COL5A3: variants seen among roughly 807,000 people sequenced by gnomAD.
COL5A3 encodes the protein collagen type V alpha 3 chain.
In COL5A3, 172 loss-of-function variants were observed where a neutral mutation model predicts 250.0. The observed-to-expected ratio is 0.69, with a 90% CI of 0.61 to 0.78. The LOEUF is 0.78. Among genes scored for constraint, COL5A3 ranks in the 30% least tolerant of loss-of-function variants. The pLI is 0.00. For missense variants in COL5A3, 2,340 were observed against 2,334.4 expected (o/e 1.00, Z -0.05); for synonymous variants, 937 against 900.4 (o/e 1.04, Z -0.73).
chr19:9,987,911 G>A (rs891718584), intron 27 of COL5A3, among the ~76,000 whole-genome samples: 2 of 152,104 alleles, frequency 1.3e-5, no homozygotes, highest in Non-Finnish European at 2.9e-5. Context: ...TTCCAGCCTG[G>A]GCAACAGAGA....
At position 9,980,570 on chromosome 19, in the gene COL5A3, T is replaced by G. The variant is rs143274566; in HGVS notation, c.2604+78A>C. ...TGCATTATAATGTCTCTTCATCTCT[T>G]GGGTTTGTCCTCCACTCAGAATCTC... On this transcript the variant is annotated intron_variant, in intron 35 of 66. Transcript: ENST00000264828. The G allele has an allele frequency of 6.4e-3, 9,909 of 1,551,782 alleles. 46 individuals carry two copies. Among genetic ancestry groups the G allele is most frequent in the Non-Finnish European group, 8.1e-3 (9,318 of 1,145,306 alleles).
intron 8 of COL5A3, among the ~76,000 whole-genome samples, chr19:9,999,000 T>C (rs936591364): frequency 1.4e-5 from 2 of 144,124 alleles, no homozygotes; most frequent in Non-Finnish European, 3.0e-5. Context: ...TTCCTTCCTT[T>C]CTTTCTTTTC....
At position 9,982,008 on chromosome 19, in the gene COL5A3, C is replaced by T. The variant is rs773957664; in HGVS notation, c.2460+57G>A. The stretch of plus-strand genomic sequence containing the variant: ...CCACCCATCATCAGACACAACCACA[C>T]ATGCTGTTCCCCTCAGACAAGTTCT... On this transcript the variant is annotated intron_variant, in intron 32 of 66. Coordinates refer to ENST00000264828, the MANE Select transcript of COL5A3 (RefSeq NM_015719.4). The T allele has an allele frequency of 1.9e-5, 26 of 1,343,086 alleles. No homozygotes were observed. The Admixed American group carries it at 3.2e-4, about 17-fold the overall frequency. 83.2% of individuals were successfully genotyped at this position (1,343,086 alleles called of 1,614,324 possible).
chr19:9,978,514 T>C (rs1032834122), intron 41 of COL5A3, 60 bp downstream of exon 41: 1 of 1,149,930 alleles, frequency 8.7e-7, no homozygotes, highest in African/African-American at 1.6e-5. Flanking sequence ...ATGTCAAGCT[T>C]CCAAGACACC....
intron 45 of COL5A3, 49 bp downstream of exon 45, chr19:9,976,509 C>G: frequency 2.1e-6 from 3 of 1,417,212 alleles, no homozygotes; most frequent in Non-Finnish European, 2.9e-6. Flanking sequence ...CTCCCACTAT[C>G]CCTCCCTTCA....
intron 31 of COL5A3, 63 bp downstream of exon 31, chr19:9,985,779 C>T (rs2087090480): frequency 6.8e-7 from 1 of 1,463,208 alleles, no homozygotes; most frequent in Non-Finnish European, 9.5e-7. Context: ...AGCCTGGACC[C>T]CCAGATGTTA....
Position 9,977,389 on chromosome 19 carries a change from C to T in COL5A3, c.3210G>A (p.Gly1070=). The change falls in exon 43 of 67, where the codon GGG becomes GGA. Residue 1070 remains glycine (G), a synonymous_variant. Coordinates refer to ENST00000264828, the MANE Select transcript of COL5A3 (RefSeq NM_015719.4). ...CCTTGTCCCCTTCCTCGCCAGAAGGCCCAGCAGCTCCAGGGGGTCCCAGAG... is the reference window on the plus strand; with the variant it reads ...CCTTGTCCCCTTCCTCGCCAGAAGGTCCAGCAGCTCCAGGGGGTCCCAGAG... The part of the protein sequence containing the change: ...LGPLGPPGAA[G]PSGEEGDKGD... 1 of 1,577,920 alleles carries T rather than the reference C, an allele frequency of 6.3e-7. No individual in the cohort carries two copies. The highest frequency in any genetic ancestry group is 8.6e-7 in the Non-Finnish European group (1 of 1,158,850).
intron 30 of COL5A3, 73 bp from the exon 31 acceptor site, chr19:9,985,968 G>T: frequency 1.4e-6 from 2 of 1,402,328 alleles, no homozygotes; most frequent in Non-Finnish European, 1.0e-6. Flanking sequence ...CAGGCTGGCT[G>T]GGGCATGGTG....
In COL5A3 at chr19:9,969,931, G is replaced by A. The variant is rs950510433; in HGVS notation, c.3937-9C>T. ...ATGTGGCCTGAAGGACCCTTGGAAG[G>A]GAAAGACAGTGAGGGGGGTCTAGGG... On this transcript the variant is annotated splice_polypyrimidine_tract_variant and intron_variant, in intron 54 of 66. Coordinates refer to ENST00000264828, the MANE Select transcript of COL5A3 (RefSeq NM_015719.4). 6.3e-7 allele frequency: 1 copy of A among 1,579,052 alleles called. No individual in the cohort carries two copies. Among genetic ancestry groups the A allele is most frequent in the Non-Finnish European group, 8.6e-7 (1 of 1,165,958 alleles).
At chr19:9,997,046 A>C (rs960275349) in intron 11 of COL5A3, 1 of 533,400 alleles carries the variant, frequency 1.9e-6, no homozygotes, top group Admixed American at 3.6e-5. Context: ...GAACATAGAG[A>C]GATGGACGGA....
chr19:9,978,737 G>A, intron 40 of COL5A3, 110 bp from the exon 41 acceptor site: 1 of 930,692 alleles, frequency 1.1e-6, no homozygotes, highest in South Asian at 2.0e-5. Context: ...ACTGGACACT[G>A]AGCTTTGAGG....
At chr19:9,976,872 A>T (rs932648876) in intron 44 of COL5A3, among the ~76,000 whole-genome samples, 2 of 151,908 alleles carry the variant, frequency 1.3e-5, no homozygotes, top group East Asian at 1.9e-4. Context: ...AAGCCACTGG[A>T]GCTGACATTC....
Position 9,967,415 on chromosome 19 carries a change from C to T in COL5A3, c.4405-15G>A, listed in dbSNP as rs766175472. The T allele has an allele frequency of 2.9e-5, 44 of 1,501,622 alleles. No homozygotes were observed. Among genetic ancestry groups the T allele is most frequent in the South Asian group, 8.2e-5 (6 of 72,820 alleles). The allele number at this position is 1,501,622 out of a possible 1,614,324, so 93.0% of individuals were successfully genotyped here. On this transcript the variant is annotated splice_polypyrimidine_tract_variant and intron_variant, in intron 61 of 66. Coordinates refer to ENST00000264828, the MANE Select transcript of COL5A3 (RefSeq NM_015719.4). ...CCCATGGACCCCTGTAGGGAGAAGT[C>T]ACTTGGAGAATGAACCCTGTCTATG...
At chr19:9,989,634 A>C in intron 24 of COL5A3, 112 bp from the exon 25 acceptor site, 2 of 962,996 alleles carry the variant, frequency 2.1e-6, no homozygotes, top group Non-Finnish European at 1.5e-6. Flanking sequence ...AGCAGACCTC[A>C]CTGGCCAGGA....
At chr19:9,970,936 C>T (rs1252754134) in intron 53 of COL5A3, 39 bp downstream of exon 53, 24 of 1,501,926 alleles carry the variant, frequency 1.6e-5, no homozygotes, top group Non-Finnish European at 2.1e-5. Context: ...AGCTCCCCAA[C>T]CCCCGCCTCA....
At chr19:9,982,023 A>G in intron 32 of COL5A3, 42 bp downstream of exon 32, 1 of 1,492,784 alleles carries the variant, frequency 6.7e-7, no homozygotes, top group Non-Finnish European at 9.3e-7. Flanking sequence ...TGTTCCCCTC[A>G]GACAAGTTCT....
intron 65 of COL5A3, 91 bp from the exon 66 acceptor site, chr19:9,960,981 C>A (rs996810612): frequency 9.4e-6 from 14 of 1,489,722 alleles, no homozygotes; most frequent in African/African-American, 1.4e-5. Context: ...CACTGGCAGA[C>A]AAGCCACCCC....
At chr19:9,978,699 A>G in intron 40 of COL5A3, 72 bp from the exon 41 acceptor site, 1 of 1,122,106 alleles carries the variant, frequency 8.9e-7, no homozygotes, top group East Asian at 2.6e-5. Context: ...CTCTGTGGGG[A>G]GCTCACAGTC....
chr19:9,992,841 G>A lies in COL5A3; in HGVS notation c.1834C>T (p.Pro612Ser). The A allele has an allele frequency of 6.2e-7, 1 of 1,614,076 alleles. No homozygotes were observed. Residue 612 changes from proline (P) to serine (S), a missense_variant, in exon 21 of 67, where the codon CCC becomes TCC. By Grantham distance (74) the Pro-to-Ser change is moderately conservative (BLOSUM62 -1). Transcript: ENST00000264828. ...GTGACACTCACCGGGCGACCCGTGG[G>A]GCCAGGAGAGCCTCTGGGGCCAAGC... is the stretch of plus-strand genomic sequence containing the variant. The part of the protein sequence containing the change: ...GLLGPRGSPG[P>S]TGRPGVTGID...
Sources: allele counts gnomAD v4.1 joint callset (sites outside exome capture counted in the v4.1 genomes callset), GRCh38; gene constraint gnomAD v4.1.1; transcripts MANE v1.5; gene names NCBI Gene and HGNC (gene_info 2026-07-23, HGNC 2026-07-21).